ADAM17: variants seen among roughly 807,000 people sequenced by gnomAD.
ADAM17 encodes disintegrin and metalloproteinase domain-containing protein 17.
A neutral mutation model predicts 96.7 loss-of-function variants in ADAM17; 39 were observed. That is an observed-to-expected ratio of 0.40 (90% CI 0.31 to 0.53). The LOEUF (loss-of-function observed/expected upper bound fraction) is 0.53, where lower values mean the gene tolerates loss of function less well. Ranked by LOEUF, ADAM17 falls within the 20% of genes least tolerant of loss-of-function variation. The pLI is 0.44. For missense variants in ADAM17, 777 were observed against 1,013.2 expected, an observed-to-expected ratio of 0.77 and a Z score of 3.17; for synonymous variants, 344 against 359.2, an observed-to-expected ratio of 0.96 and a Z score of 0.48.
chr2:9,515,994 C>G (rs1664038505), intron 10 of ADAM17, among the ~76,000 whole-genome samples: 2 of 152,090 alleles, frequency 1.3e-5, no homozygotes, highest in Non-Finnish European at 2.9e-5. Flanking sequence ...GTCTCAAACT[C>G]CTGGGCTCGA....
intron 1 of ADAM17, among the ~76,000 whole-genome samples, chr2:9,548,259 G>A (rs1046415328): frequency 2.6e-5 from 4 of 152,018 alleles, no homozygotes; most frequent in African/African-American, 7.3e-5. Context: ...TTGAACCCAG[G>A]AGGCAAAGGT....
At chr2:9,498,650 G>T (rs962703958) in intron 13 of ADAM17, among the ~76,000 whole-genome samples, 4 of 152,196 alleles carry the variant, frequency 2.6e-5, no homozygotes, top group Admixed American at 2.0e-4. Flanking sequence ...CAGGCACTTT[G>T]CCTCTGGTTC....
intron 8 of ADAM17, among the ~76,000 whole-genome samples, chr2:9,520,255 GAT>G (rs1416132871): frequency 6.6e-6 from 1 of 152,138 alleles, no homozygotes; most frequent in Non-Finnish European, 1.5e-5. Flanking sequence ...CACATTAAAA[GAT>G]AAAAACTATC....
In ADAM17 at chr2:9,493,971, G is replaced by A. The variant is rs883399; in HGVS notation, c.1915-146C>T. On this transcript the variant is annotated intron_variant, in intron 15 of 18. Coordinates refer to ENST00000310823, the MANE Select transcript of ADAM17 (RefSeq NM_003183.6). ...TTTGACACAAGGCAATAACTTCCGC[G>A]TAATGAGTACCCAAGAAAGTAGAAC... 318,590 of 611,270 alleles carry A rather than the reference G, an allele frequency of 0.52. 89,139 individuals carry two copies. Among genetic ancestry groups the A allele is most frequent in the Middle Eastern group, 0.64 (1,554 of 2,416 alleles). 37.9% of individuals were successfully genotyped at this position (611,270 alleles called of 1,614,324 possible).
chr2:9,502,812 G>C (rs1663086828), intron 12 of ADAM17, among the ~76,000 whole-genome samples: 1 of 147,116 alleles, frequency 6.8e-6, no homozygotes, highest in African/African-American at 2.6e-5. Flanking sequence ...CCCGGAGACA[G>C]AGGTTGCAGT....
chr2:9,492,283 A>G (rs901336483), intron 17 of ADAM17, among the ~76,000 whole-genome samples: 2 of 152,264 alleles, frequency 1.3e-5, no homozygotes, highest in African/African-American at 4.8e-5. Flanking sequence ...ATGGATTCGT[A>G]AGAACATTTA....
At chr2:9,511,434 G>A (rs1663736431) in intron 10 of ADAM17, among the ~76,000 whole-genome samples, 1 of 151,342 alleles carries the variant, frequency 6.6e-6, no homozygotes, top group Non-Finnish European at 1.5e-5. Flanking sequence ...TAGGCAACAA[G>A]AGTGAAACTC....
intron 17 of ADAM17, among the ~76,000 whole-genome samples, chr2:9,492,403 T>C (rs1223698470): frequency 6.6e-6 from 1 of 152,360 alleles, no homozygotes; most frequent in South Asian, 2.1e-4. Context: ...TGCTTACTCT[T>C]ATTTTTTGGG....
intron 2 of ADAM17, among the ~76,000 whole-genome samples, chr2:9,541,689 C>T (rs1190178692): frequency 1.3e-5 from 2 of 152,158 alleles, no homozygotes; most frequent in African/African-American, 4.8e-5. Flanking sequence ...GTTTTTTAAA[C>T]CAGACGCACA....
chr2:9,546,290 C>T (rs1350739963), intron 1 of ADAM17, among the ~76,000 whole-genome samples: 1 of 152,118 alleles, frequency 6.6e-6, no homozygotes. Flanking sequence ...ATGTAGCTTG[C>T]TAAAGCACTT....
intron 4 of ADAM17, among the ~76,000 whole-genome samples, chr2:9,534,207 A>G (rs1664864100): frequency 6.6e-6 from 1 of 152,162 alleles, no homozygotes; most frequent in African/African-American, 2.4e-5. Context: ...CGTCTCTACT[A>G]AAAATACAAA....
intron 16 of ADAM17, among the ~76,000 whole-genome samples, chr2:9,493,252 A>G (rs1662305707): frequency 6.6e-6 from 1 of 152,228 alleles, no homozygotes; most frequent in Non-Finnish European, 1.5e-5. Flanking sequence ...TCAACAGATT[A>G]ATATGGAATG....
chr2:9,509,894 A>C, intron 11 of ADAM17, 85 bp downstream of exon 11: 2 of 1,522,318 alleles, frequency 1.3e-6, no homozygotes, highest in Admixed American at 1.9e-5. Flanking sequence ...ACGCCTAGGA[A>C]TGGAATACGT....
chr2:9,548,711 G>C (rs1308980686), intron 1 of ADAM17, among the ~76,000 whole-genome samples: 2 of 152,180 alleles, frequency 1.3e-5, no homozygotes, highest in African/African-American at 2.4e-5. Flanking sequence ...TTGTGTTACT[G>C]ATGAGCCACA....
chr2:9,555,388 T>G (rs1376029884), intron 1 of ADAM17, 121 bp downstream of exon 1: 25 of 797,172 alleles, frequency 3.1e-5, no homozygotes, highest in Non-Finnish European at 4.7e-5. Flanking sequence ...ACTGAAAACT[T>G]AGGGACGCGC....
intron 10 of ADAM17, among the ~76,000 whole-genome samples, chr2:9,510,655 C>G (rs1265348244): frequency 7.0e-6 from 1 of 143,456 alleles, no homozygotes; most frequent in Non-Finnish European, 1.5e-5. Flanking sequence ...CAGGGCGAGA[C>G]TTCGTCTCAA....
chr2:9,539,556 C>T (rs796614669), intron 2 of ADAM17, among the ~76,000 whole-genome samples: 9 of 152,282 alleles, frequency 5.9e-5, no homozygotes, highest in African/African-American at 2.2e-4. Flanking sequence ...ATAGTTACAT[C>T]CAAATTTAAT....
rs1317548229 is a variant in ADAM17, at chr2:9,523,468, A to C, written c.754-130T>G. The C allele has an allele frequency of 9.9e-6, 7 of 708,004 alleles. No homozygotes were observed. The Admixed American group carries it at 1.2e-4, about 12-fold the overall frequency. The allele number at this position is 708,004 out of a possible 1,614,324, so 43.9% of individuals were successfully genotyped here. A position where few individuals can be genotyped will look rare whatever the true frequency, so the allele number is the denominator to read the frequency against. On this transcript the variant is annotated intron_variant, in intron 6 of 18. Coordinates refer to ENST00000310823, the MANE Select transcript of ADAM17 (RefSeq NM_003183.6). The stretch of plus-strand genomic sequence containing the variant: ...ATTGCAAAAGTTTCTACTTTCGCAA[A>C]AACTAGCATTGAGATGTTACTGTAT...
At chr2:9,513,470 A>C (rs1026963438) in intron 10 of ADAM17, among the ~76,000 whole-genome samples, 1 of 152,152 alleles carries the variant, frequency 6.6e-6, no homozygotes, top group Non-Finnish European at 1.5e-5. Flanking sequence ...ACTGGTGGGG[A>C]GGAGGGAACA....
Sources: gnomAD v4.1 joint callset for allele counts (sites outside exome capture counted in the v4.1 genomes callset) on GRCh38, gnomAD v4.1.1 for gene constraint, MANE v1.5 for transcripts, NCBI Gene and HGNC (gene_info 2026-07-23, HGNC 2026-07-21) for gene names.